The following TMTC1 variants were observed in gnomAD, a reference collection of about 807,000 sequenced individuals.
The protein encoded by TMTC1 is transmembrane O-mannosyltransferase targeting cadherins 1.
A neutral mutation model predicts 104.8 loss-of-function variants in TMTC1; 73 were observed. The ratio of observed to expected loss-of-function variants is 0.70; its 90% confidence interval spans 0.58 to 0.85. The LOEUF is 0.85. Among genes scored for constraint, TMTC1 ranks in the 40% least tolerant of loss-of-function variants. The pLI, the probability that TMTC1 is intolerant of heterozygous loss-of-function variation, is 0.00. For synonymous variants in TMTC1, 434 were observed against 428.7 expected (o/e 1.01, Z -0.15); for missense variants, 1,035 against 1,096.1 (o/e 0.94, Z 0.79).
chr12:29,679,585 T>C (rs1408590981), intron 5 of TMTC1, among the ~76,000 whole-genome samples: 1 of 152,144 alleles, frequency 6.6e-6, no homozygotes, highest in African/African-American at 2.4e-5. Context: ...GTGATGATGC[T>C]AATATACTGC....
intron 17 of TMTC1, among the ~76,000 whole-genome samples, chr12:29,507,624 A>C (rs1025933959): frequency 7.9e-5 from 12 of 152,202 alleles, no homozygotes; most frequent in Non-Finnish European, 1.8e-4. Flanking sequence ...CTCCTGACCT[A>C]CTAAACACAA....
chr12:29,584,510 T>A (rs1025665251), intron 7 of TMTC1, among the ~76,000 whole-genome samples: 1 of 152,272 alleles, frequency 6.6e-6, no homozygotes, highest in African/African-American at 2.4e-5. Context: ...GTTACATATG[T>A]ATACATGTGT....
Position 29,503,085 on chromosome 12 carries a change from C to A in TMTC1, c.*3761G>T, listed in dbSNP as rs1048657315. On this transcript the variant is annotated 3_prime_UTR_variant, in exon 18 of 18. Transcript: ENST00000539277. ...TTTCTCATTTAGTCTGACTGAAAGG[C>A]CGTTGCGCAGAGGCATTCGCACAAC... 1.3e-5 allele frequency: 2 copies of A among 152,156 alleles called. No homozygotes were observed. The highest frequency in any genetic ancestry group is 4.8e-5 in the African/African-American group (2 of 41,422). The allele number at this position is 152,156 out of a possible 1,614,324, so 9.4% of individuals were successfully genotyped here.
chr12:29,751,803 G>A lies in TMTC1; in HGVS notation c.801C>T (p.Gly267=). ...GCTTCCCATTCTCCCGGTGAGGATG[G>A]CCTGGCAGTGAGGAGGGCTGGGGGC... is the stretch of plus-strand genomic sequence containing the variant. ...PGSPQPSSLP[G]HPHRENGKQQ... is the part of the protein sequence containing the mutation. Residue 267 remains glycine (G), a synonymous_variant, in exon 5 of 18, where the codon GGC becomes GGT. Coordinates refer to ENST00000539277, the MANE Select transcript of TMTC1 (RefSeq NM_001193451.2). The A allele has an allele frequency of 6.2e-7, 1 of 1,611,912 alleles. No homozygotes were observed. Among genetic ancestry groups the A allele is most frequent in the Non-Finnish European group, 8.5e-7 (1 of 1,179,036 alleles).
At chr12:29,549,928 T>C (rs1040004358) in intron 10 of TMTC1, among the ~76,000 whole-genome samples, 1 of 152,192 alleles carries the variant, frequency 6.6e-6, no homozygotes, top group Non-Finnish European at 1.5e-5. Context: ...CTCTATCATT[T>C]GATAGATTGG....
At chr12:29,588,456 C>T (rs368836321) in intron 7 of TMTC1, among the ~76,000 whole-genome samples, 3 of 152,210 alleles carry the variant, frequency 2.0e-5, no homozygotes, top group East Asian at 3.8e-4. Flanking sequence ...CTGCTCCCAA[C>T]CCAAACTGAG....
chr12:29,513,123 C>T (rs1943885967), intron 16 of TMTC1, among the ~76,000 whole-genome samples: 1 of 152,136 alleles, frequency 6.6e-6, no homozygotes, highest in Admixed American at 6.5e-5. Context: ...GACCTGGATT[C>T]AAACCCTGAC....
intron 5 of TMTC1, among the ~76,000 whole-genome samples, chr12:29,735,615 A>G (rs552637206): frequency 6.6e-6 from 1 of 152,352 alleles, no homozygotes; most frequent in Admixed American, 6.5e-5. Context: ...TTGTGAAAGT[A>G]TACTCACTGA....
intron 5 of TMTC1, among the ~76,000 whole-genome samples, chr12:29,638,337 G>C (rs1297534961): frequency 6.6e-6 from 1 of 152,018 alleles, no homozygotes; most frequent in Non-Finnish European, 1.5e-5. Context: ...ATTGATGGCT[G>C]AATGACATGG....
chr12:29,736,878 C>A (rs1942690963), intron 5 of TMTC1, among the ~76,000 whole-genome samples: 1 of 152,204 alleles, frequency 6.6e-6, no homozygotes, highest in South Asian at 2.1e-4. Flanking sequence ...CAGATACACA[C>A]ATAACACACA....
At chr12:29,545,884 G>A (rs7301817) in intron 10 of TMTC1, among the ~76,000 whole-genome samples, 14,254 of 152,152 alleles carry the variant, frequency 0.094, 2,222 homozygotes, top group African/African-American at 0.32. Flanking sequence ...TAGGGCCTAT[G>A]TTGAGGACTT....
At chr12:29,569,823 T>C (rs774383821) in intron 9 of TMTC1, among the ~76,000 whole-genome samples, 1 of 152,252 alleles carries the variant, frequency 6.6e-6, no homozygotes, top group Middle Eastern at 3.2e-3. Context: ...ATATGTAATA[T>C]ATTTATAGCT....
chr12:29,747,023 G>C (rs957614516), intron 5 of TMTC1, among the ~76,000 whole-genome samples: 2 of 152,144 alleles, frequency 1.3e-5, no homozygotes, highest in African/African-American at 4.8e-5. Context: ...GGGTAGCAGA[G>C]GAAAGAGGAA....
intron 5 of TMTC1, among the ~76,000 whole-genome samples, chr12:29,706,183 C>G (rs1414848339): frequency 6.6e-6 from 1 of 152,068 alleles, no homozygotes; most frequent in Non-Finnish European, 1.5e-5. Context: ...ACAAGGCTAC[C>G]AAGTTCAGAC....
chr12:29,533,146 A>G (rs191880173), intron 11 of TMTC1: 15 of 152,300 alleles, frequency 9.8e-5, no homozygotes, highest in Admixed American at 9.8e-4. Flanking sequence ...ACTTCCTATT[A>G]TCTATCAATG....
At chr12:29,726,058 C>T (rs1942381147) in intron 5 of TMTC1, among the ~76,000 whole-genome samples, 1 of 152,162 alleles carries the variant, frequency 6.6e-6, no homozygotes, top group Admixed American at 6.5e-5. Flanking sequence ...GAGTTGGTTG[C>T]CAAGTATTTG....
Position 29,735,057 on chromosome 12 carries a change from G to A in TMTC1, c.938+16609C>T, listed in dbSNP as rs115794870. Among the ~76,000 whole-genome samples, 394 of 152,288 alleles carry A rather than the reference G, an allele frequency of 2.6e-3. 2 individuals carry two copies. Among genetic ancestry groups the A allele is most frequent in the African/African-American group, 9.1e-3 (377 of 41,554 alleles). On this transcript the variant is annotated intron_variant, in intron 5 of 17. Transcript: ENST00000539277. ...ATGCCAACCGTGTTCACATTCAACC[G>A]CAGAACTAAGCTGAACCTGGATTAG...
intron 9 of TMTC1, among the ~76,000 whole-genome samples, chr12:29,557,839 C>T (rs915802818): frequency 1.3e-5 from 2 of 152,178 alleles, no homozygotes; most frequent in African/African-American, 4.8e-5. Context: ...TAAACTTAAT[C>T]TGCAAAATGC....
chr12:29,631,093 C>T (rs972682645), intron 6 of TMTC1, among the ~76,000 whole-genome samples: 1 of 152,078 alleles, frequency 6.6e-6, no homozygotes, highest in African/African-American at 2.4e-5. Flanking sequence ...ATCTTTTCTC[C>T]ATTTTAGTTT....
Sources: allele counts gnomAD v4.1 joint callset (sites outside exome capture counted in the v4.1 genomes callset), GRCh38; gene constraint gnomAD v4.1.1; transcripts MANE v1.5; gene names NCBI Gene and HGNC (gene_info 2026-07-23, HGNC 2026-07-21).